Variants in PCDH15 observed in about 807,000 individuals in gnomAD.
PCDH15 encodes protocadherin related 15.
In PCDH15, 129 loss-of-function variants were observed where a neutral mutation model predicts 178.5. The observed-to-expected ratio is 0.72, with a 90% CI of 0.63 to 0.84. The LOEUF (loss-of-function observed/expected upper bound fraction) is 0.84, where lower values mean the gene tolerates loss of function less well. Ranked by LOEUF, PCDH15 falls within the 40% of genes least tolerant of loss-of-function variation. PCDH15 has a pLI of 0.00. For missense variants in PCDH15, 2,230 were observed against 2,099.9 expected (o/e 1.06, Z -1.21); for synonymous variants, 800 against 732.0 (o/e 1.09, Z -1.50).
At chr10:54,391,986 T>C (rs1269426869) in intron 3 of PCDH15, among the ~76,000 whole-genome samples, 1 of 152,176 alleles carries the variant, frequency 6.6e-6, no homozygotes, top group Non-Finnish European at 1.5e-5. Flanking sequence ...GCAAGTGCCA[T>C]ATAGTGTGAG....
At chr10:54,218,126 C>A (rs2052321498) in intron 9 of PCDH15, among the ~76,000 whole-genome samples, 1 of 151,988 alleles carries the variant, frequency 6.6e-6, no homozygotes. Context: ...TCCATATGAG[C>A]TTAACATGGG....
intron 3 of PCDH15, among the ~76,000 whole-genome samples, chr10:54,503,225 A>ATATGTG (rs1555012019): frequency 1.4e-4 from 12 of 83,762 alleles, no homozygotes; most frequent in African/African-American, 3.8e-4. Context: ...ATACATATAT[A>ATATGTG]TGTGTGTGTG....
intron 8 of PCDH15, among the ~76,000 whole-genome samples, chr10:54,308,936 C>T (rs1486296636): frequency 6.6e-6 from 1 of 152,032 alleles, no homozygotes; most frequent in Admixed American, 6.6e-5. Context: ...CATATGTTGA[C>T]TCTAGATGTG....
At chr10:54,537,344 G>A (rs2084690214) in intron 2 of PCDH15, among the ~76,000 whole-genome samples, 3 of 152,034 alleles carry the variant, frequency 2.0e-5, no homozygotes, top group Non-Finnish European at 2.9e-5. Flanking sequence ...AGGATTGTGA[G>A]TCTAATAGAA....
chr10:55,359,769 C>T (rs558271193), intron 2 of PCDH15, among the ~76,000 whole-genome samples: 442 of 140,340 alleles, frequency 3.1e-3, no homozygotes, highest in African/African-American at 9.6e-3. Flanking sequence ...CACACACACA[C>T]ACATATATAT....
chr10:54,995,316 C>T (rs1307163759), intron 2 of PCDH15, among the ~76,000 whole-genome samples: 1 of 146,562 alleles, frequency 6.8e-6, no homozygotes, highest in Non-Finnish European at 1.5e-5. Flanking sequence ...TCGGAGTTTG[C>T]AGTGAGTAGA....
At chr10:55,441,970 C>T (rs749873858) in intron 2 of PCDH15, among the ~76,000 whole-genome samples, 3 of 151,982 alleles carry the variant, frequency 2.0e-5, no homozygotes, top group Non-Finnish European at 2.9e-5. Flanking sequence ...TCAAGGAATG[C>T]TGACAGCCCC....
At chr10:55,459,398 G>T (rs935921121) in intron 2 of PCDH15, among the ~76,000 whole-genome samples, 22 of 152,016 alleles carry the variant, frequency 1.4e-4, no homozygotes, top group African/African-American at 5.3e-4. Context: ...TGGAGTAAAT[G>T]ATTGAAAAGA....
intron 2 of PCDH15, among the ~76,000 whole-genome samples, chr10:55,328,952 A>AT (rs1844117660): frequency 7.4e-6 from 1 of 136,012 alleles, no homozygotes; most frequent in Non-Finnish European, 1.6e-5. Flanking sequence ...ATATATATAA[A>AT]ATATATAATA....
chr10:54,913,736 G>A (rs1193889518), intron 2 of PCDH15, among the ~76,000 whole-genome samples: 1 of 152,222 alleles, frequency 6.6e-6, no homozygotes, highest in East Asian at 1.9e-4. Flanking sequence ...GGACAGAGCT[G>A]CCCAATTCCT....
intron 21 of PCDH15, among the ~76,000 whole-genome samples, chr10:53,989,116 A>C (rs898973994): frequency 6.6e-6 from 1 of 152,206 alleles, no homozygotes; most frequent in African/African-American, 2.4e-5. Context: ...GTTAAAGTAT[A>C]CCTACTGGAA....
At chr10:53,997,529 T>G (rs367781647) in intron 20 of PCDH15, among the ~76,000 whole-genome samples, 42 of 152,280 alleles carry the variant, frequency 2.8e-4, no homozygotes, top group African/African-American at 9.9e-4. Context: ...TCTTAAAAAT[T>G]TTATTCTTTA....
intron 3 of PCDH15, among the ~76,000 whole-genome samples, chr10:54,870,689 G>A (rs1243056188): frequency 6.6e-6 from 1 of 152,010 alleles, no homozygotes; most frequent in Admixed American, 6.6e-5. Context: ...CGGAGGCTGA[G>A]GCAGAAGAAT....
chr10:54,326,376 CATACACAT>C (rs1312843302), intron 7 of PCDH15, among the ~76,000 whole-genome samples: 4 of 152,118 alleles, frequency 2.6e-5, no homozygotes, highest in African/African-American at 9.7e-5. Flanking sequence ...TACAAATACA[CATACACAT>C]ATACACATAT....
chr10:54,843,328 A>G (rs148548074), intron 3 of PCDH15, among the ~76,000 whole-genome samples: 107 of 152,082 alleles, frequency 7.0e-4, no homozygotes, highest in African/African-American at 2.5e-3. Context: ...TGTAAGCTTA[A>G]CAATCAGGCA....
intron 2 of PCDH15, among the ~76,000 whole-genome samples, chr10:55,447,697 A>G (rs1218531511): frequency 6.6e-6 from 1 of 152,074 alleles, no homozygotes; most frequent in Non-Finnish European, 1.5e-5. Flanking sequence ...GTTGTGAAAT[A>G]ATTTTTTAAA....
At chr10:54,780,148 C>T (rs1291563082) in intron 1 of PCDH15, among the ~76,000 whole-genome samples, 2 of 152,128 alleles carry the variant, frequency 1.3e-5, no homozygotes, top group Admixed American at 6.6e-5. Flanking sequence ...GACACTACTT[C>T]GTGTGAGGTG....
At chr10:54,130,326 A>G (rs1336982989) in intron 15 of PCDH15, among the ~76,000 whole-genome samples, 2 of 152,202 alleles carry the variant, frequency 1.3e-5, no homozygotes, top group Non-Finnish European at 1.5e-5. Flanking sequence ...GTAACATGAC[A>G]TAGCTGCACA....
At chr10:54,050,238 A>C (rs1406021601) in intron 18 of PCDH15, among the ~76,000 whole-genome samples, 1 of 151,786 alleles carries the variant, frequency 6.6e-6, no homozygotes, top group Non-Finnish European at 1.5e-5. Context: ...TAATTTCAAA[A>C]CTCATTATTT....
Sources: gnomAD v4.1 joint callset for allele counts (sites outside exome capture counted in the v4.1 genomes callset) on GRCh38, gnomAD v4.1.1 for gene constraint, MANE v1.5 for transcripts, NCBI Gene and HGNC (gene_info 2026-07-23, HGNC 2026-07-21) for gene names.